Variants in KLHL6 observed in about 807,000 individuals in gnomAD.
KLHL6 encodes the protein kelch like family member 6.
A neutral mutation model predicts 58.6 loss-of-function variants in KLHL6; 41 were observed. The ratio of observed to expected loss-of-function variants is 0.70; its 90% CI spans 0.55 to 0.91. The LOEUF is 0.91. Among genes scored for constraint, KLHL6 ranks in the 40% least tolerant of loss-of-function variants. KLHL6 has a pLI of 0.00. For synonymous variants in KLHL6, 338 were observed against 322.7 expected (o/e 1.05, Z -0.51); for missense variants, 714 against 805.6 (o/e 0.89, Z 1.38).
chr3:183,515,313 C>T (rs1711525172), intron 2 of KLHL6, among the ~76,000 whole-genome samples: 1 of 152,082 alleles, frequency 6.6e-6, no homozygotes, highest in African/African-American at 2.4e-5. Flanking sequence ...TTTGGGAGGC[C>T]AAGGTAGGAG....
rs775231142 is a variant in KLHL6, at chr3:183,555,422, C to A, written c.232G>T (p.Val78Leu). The A allele has an allele frequency of 1.9e-6, 3 of 1,614,170 alleles. No homozygotes were observed. Among genetic ancestry groups the A allele is most frequent in the East Asian group, 4.5e-5 (2 of 44,882 alleles). ...ENALTDVILC[V>L]DIQEFSCHRV... is the part of the protein sequence containing the mutation. ...TGGCAGGAGAATTCCTGAATGTCCACACACAAGATGACATCTGTCAGAGCG... is the reference window on the plus strand; with the variant it reads ...TGGCAGGAGAATTCCTGAATGTCCAAACACAAGATGACATCTGTCAGAGCG... The change falls in exon 1 of 7, where the codon GTG (valine) becomes TTG (leucine). Residue 78 changes from valine to leucine, a missense_variant. Transcript: ENST00000341319.
intron 2 of KLHL6, among the ~76,000 whole-genome samples, chr3:183,513,704 T>C (rs1718252332): frequency 8.8e-6 from 1 of 113,096 alleles, no homozygotes; most frequent in African/African-American, 2.9e-5. Context: ...ATTGAGCATG[T>C]ATTTCTTTTT....
intron 1 of KLHL6, among the ~76,000 whole-genome samples, chr3:183,529,241 T>A (rs1712079407): frequency 6.6e-6 from 1 of 151,784 alleles, no homozygotes; most frequent in Non-Finnish European, 1.5e-5. Context: ...GTACAACAAC[T>A]CCCCATGACA....
At chr3:183,554,739 A>G (rs1328653667) in intron 1 of KLHL6, among the ~76,000 whole-genome samples, 1 of 152,230 alleles carries the variant, frequency 6.6e-6, no homozygotes, top group Non-Finnish European at 1.5e-5. Context: ...AGGGGGAAAA[A>G]AGTCCCCATG....
At chr3:183,549,421 A>G (rs1712833471) in intron 1 of KLHL6, among the ~76,000 whole-genome samples, 1 of 152,222 alleles carries the variant, frequency 6.6e-6, no homozygotes, top group Non-Finnish European at 1.5e-5. Flanking sequence ...TATATCTATA[A>G]TCCCTTATCT....
intron 1 of KLHL6, among the ~76,000 whole-genome samples, chr3:183,535,763 T>C (rs1712342968): frequency 6.6e-6 from 1 of 152,078 alleles, no homozygotes; most frequent in South Asian, 2.1e-4. Context: ...AATTGGGCTG[T>C]CACTGCTAGC....
At position 183,494,266 on chromosome 3, in the gene KLHL6, T is replaced by C. The variant is rs1196817958; in HGVS notation, c.1163A>G (p.Gln388Arg). 4 of 1,613,540 alleles carry C rather than the reference T, an allele frequency of 2.5e-6. No individual in the cohort carries two copies. The African/African-American group carries it at 5.3e-5, about 22-fold the overall frequency. Residue 388 changes from glutamine to arginine, a missense_variant, in exon 5 of 7, where the codon CAG (glutamine) becomes CGG (arginine). Coordinates refer to ENST00000341319, the MANE Select transcript of KLHL6 (RefSeq NM_130446.4). ...AGAATTATATTTCCAAACATCATGC[T>C]GTGTTTCTTTGCCACCTGCAAGAGA... Reference protein sequence around the residue: ...EVYISGGKETQHDVWKYNSSI... With the variant: ...EVYISGGKETRHDVWKYNSSI...
At chr3:183,528,304 G>A (rs970477737) in intron 1 of KLHL6, among the ~76,000 whole-genome samples, 1 of 152,208 alleles carries the variant, frequency 6.6e-6, no homozygotes, top group African/African-American at 2.4e-5. Context: ...TCATCTGAGG[G>A]CATTGTGGAA....
At chr3:183,493,972 TA>T in intron 5 of KLHL6, 106 bp downstream of exon 5, 1 of 993,176 alleles carries the variant, frequency 1.0e-6, no homozygotes, top group South Asian at 1.4e-5. Flanking sequence ...TCCTTGGAAG[TA>T]AAGTGATCAG....
At chr3:183,526,366 T>G (rs542256492) in intron 2 of KLHL6, among the ~76,000 whole-genome samples, 32 of 152,274 alleles carry the variant, frequency 2.1e-4, no homozygotes, top group African/African-American at 6.7e-4. Context: ...TTCAACAACC[T>G]ATAAACTTCT....
chr3:183,547,654 G>A (rs770371017), intron 1 of KLHL6, among the ~76,000 whole-genome samples: 3 of 152,162 alleles, frequency 2.0e-5, no homozygotes, highest in South Asian at 2.1e-4. Flanking sequence ...TATACGTGAC[G>A]TGGTAATCTT....
At chr3:183,509,905 TTA>T (rs2108675595) in intron 2 of KLHL6, among the ~76,000 whole-genome samples, 1 of 152,308 alleles carries the variant, frequency 6.6e-6, no homozygotes, top group African/African-American at 2.4e-5. Flanking sequence ...TTTTGTTTAT[TTA>T]TATGTTTTAT....
At chr3:183,546,952 T>C (rs1712741758) in intron 1 of KLHL6, among the ~76,000 whole-genome samples, 2 of 149,624 alleles carry the variant, frequency 1.3e-5, no homozygotes, top group Non-Finnish European at 3.0e-5. Flanking sequence ...CACTCTGTCG[T>C]CCAGGTTGGA....
Position 183,517,041 on chromosome 3 carries a change from T to C in KLHL6, c.460-8533A>G, listed in dbSNP as rs549672979. Among the ~76,000 whole-genome samples, 88 of 152,276 alleles carry C rather than the reference T, an allele frequency of 5.8e-4. No individual in the cohort carries two copies. The South Asian group carries it at 0.015, about 27-fold the overall frequency. On this transcript the variant is annotated intron_variant, in intron 2 of 6. Transcript: ENST00000341319. Reference sequence around the variant, plus strand: ...CTTGTGCCTCAGCCTCCCGAGTAGCTGGGATTACAGGCTCGCACCACCACA... The same window carrying C: ...CTTGTGCCTCAGCCTCCCGAGTAGCCGGGATTACAGGCTCGCACCACCACA...
At chr3:183,542,257 A>G (rs1221641489) in intron 1 of KLHL6, among the ~76,000 whole-genome samples, 1 of 152,176 alleles carries the variant, frequency 6.6e-6, no homozygotes, top group South Asian at 2.1e-4. Context: ...CTTGGATCAC[A>G]TCTCTTTCCT....
At chr3:183,504,810 A>G (rs1383992402) in intron 3 of KLHL6, among the ~76,000 whole-genome samples, 1 of 152,172 alleles carries the variant, frequency 6.6e-6, no homozygotes, top group Non-Finnish European at 1.5e-5. Context: ...GAAATCATAC[A>G]TAAGCATAGT....
At chr3:183,516,452 T>C (rs1048448106) in intron 2 of KLHL6, among the ~76,000 whole-genome samples, 4 of 152,234 alleles carry the variant, frequency 2.6e-5, no homozygotes, top group African/African-American at 4.8e-5. Flanking sequence ...AGCTTCCTGT[T>C]TGGGGGGACA....
chr3:183,516,272 G>T (rs150427214), intron 2 of KLHL6, among the ~76,000 whole-genome samples: 4 of 152,164 alleles, frequency 2.6e-5, no homozygotes. Flanking sequence ...CTGATGATGC[G>T]CAGGGCAATC....
At chr3:183,534,105 A>AAAGTACTTTACTTTT (rs1712265590) in intron 1 of KLHL6, among the ~76,000 whole-genome samples, 2 of 126,304 alleles carry the variant, frequency 1.6e-5, no homozygotes, top group African/African-American at 7.4e-5. Flanking sequence ...AAAGTACTTT[A>AAAGTACTTTACTTTT]AAAGTACTTT....
Sources: allele counts gnomAD v4.1 joint callset (sites outside exome capture counted in the v4.1 genomes callset), GRCh38; gene constraint gnomAD v4.1.1; transcripts MANE v1.5; gene names NCBI Gene and HGNC (gene_info 2026-07-23, HGNC 2026-07-21).